Variants in SNX29 observed in about 807,000 individuals in gnomAD.
The protein encoded by SNX29 is sorting nexin 29, also known as sorting nexin-29.
A neutral mutation model predicts 102.1 loss-of-function variants in SNX29; 78 were observed. That is an observed-to-expected ratio of 0.76 (90% CI 0.64 to 0.92). SNX29 has a LOEUF of 0.92. Among genes scored for constraint, SNX29 ranks in the 40% least tolerant of loss-of-function variants. The pLI is 0.00. For missense variants in SNX29, 1,280 were observed against 1,061.7 expected (o/e 1.21, Z -2.86); for synonymous variants, 580 against 414.5 (o/e 1.40, Z -4.85).
chr16:12,010,958 T>C (rs1381993675), intron 3 of SNX29, among the ~76,000 whole-genome samples: 1 of 152,128 alleles, frequency 6.6e-6, no homozygotes, highest in Non-Finnish European at 1.5e-5. Flanking sequence ...ATGTTTGTCA[T>C]GTGATTTTTA....
chr16:12,399,763 G>A (rs1024369120), intron 17 of SNX29, among the ~76,000 whole-genome samples: 2 of 152,150 alleles, frequency 1.3e-5, no homozygotes, highest in African/African-American at 2.4e-5. Flanking sequence ...CTGATAGGGT[G>A]GAGAGGCTGA....
intron 14 of SNX29, among the ~76,000 whole-genome samples, chr16:12,235,357 G>T (rs1450494591): frequency 6.6e-6 from 1 of 152,108 alleles, no homozygotes; most frequent in Non-Finnish European, 1.5e-5. Context: ...TGTGTATGAG[G>T]CTGTCCCCTG....
chr16:12,176,307 T>G (rs1282877187), intron 13 of SNX29, among the ~76,000 whole-genome samples: 1 of 152,222 alleles, frequency 6.6e-6, no homozygotes, highest in Non-Finnish European at 1.5e-5. Flanking sequence ...CAGGTTCAAA[T>G]CTTGGTTCTG....
In SNX29 at chr16:12,407,328, GT is replaced by G. The variant is rs34752475; in HGVS notation, c.2037+3811del. Among the ~76,000 whole-genome samples, 1,398 of 145,688 alleles carry G rather than the reference GT, an allele frequency of 9.6e-3. 7 individuals carry two copies. Among genetic ancestry groups the G allele is most frequent in the East Asian group, 0.018 (89 of 5,044 alleles). ...TGACAAGCTTAAGGTTAATTAGATT[GT>G]TTTTTTTTTTTCTGTATTCATTTTT... On this transcript the variant is annotated intron_variant, in intron 18 of 20. Transcript: ENST00000566228.
chr16:12,181,032 G>A (rs1036878273), intron 13 of SNX29, among the ~76,000 whole-genome samples: 15 of 152,132 alleles, frequency 9.9e-5, no homozygotes, highest in Non-Finnish European at 2.1e-4. Flanking sequence ...GCCCAGTCCT[G>A]GAAGGGAGTC....
intron 13 of SNX29, among the ~76,000 whole-genome samples, chr16:12,160,622 G>A (rs1281375519): frequency 6.6e-6 from 1 of 152,166 alleles, no homozygotes; most frequent in Non-Finnish European, 1.5e-5. Context: ...TGATGAAAAT[G>A]ATCTCTTCAT....
chr16:12,063,312 G>A (rs1287721478), intron 9 of SNX29, among the ~76,000 whole-genome samples: 2 of 149,534 alleles, frequency 1.3e-5, no homozygotes, highest in Non-Finnish European at 3.0e-5. Context: ...TTCTTATGTG[G>A]CCTCCCTCCA....
intron 20 of SNX29, among the ~76,000 whole-genome samples, chr16:12,548,982 G>T (rs148875868): frequency 6.6e-6 from 1 of 152,202 alleles, no homozygotes; most frequent in Admixed American, 6.5e-5. Flanking sequence ...TGAGGCCCCT[G>T]CTCTCCCGTG....
Position 12,538,007 on chromosome 16 carries a change from T to C in SNX29, c.2318+13166T>C, listed in dbSNP as rs1199189724. 7.0e-5 allele frequency among the ~76,000 whole-genome samples: 10 copies of C among 142,544 alleles called. No individual in the cohort carries two copies. The East Asian group carries it at 1.9e-3, about 28-fold the overall frequency. The allele number at this position is 142,544 out of a possible 152,430, so 93.5% of individuals were successfully genotyped here. On this transcript the variant is annotated intron_variant, in intron 20 of 20. Coordinates refer to ENST00000566228, the MANE Select transcript of SNX29 (RefSeq NM_032167.5). ...TTCAAAAAAAAAAAAAAAAAAATTG[T>C]CTGCCATTTATAGACCAAAATCGTC...
chr16:12,277,863 T>C, intron 14 of SNX29, 70 bp from the exon 15 acceptor site: 2 of 1,391,098 alleles, frequency 1.4e-6, no homozygotes, highest in Non-Finnish European at 2.0e-6. Context: ...AAGAATTTTT[T>C]CTTTTTTTAC....
chr16:12,194,587 A>G (rs981229716), intron 13 of SNX29, among the ~76,000 whole-genome samples: 2 of 144,120 alleles, frequency 1.4e-5, no homozygotes, highest in Non-Finnish European at 3.0e-5. Flanking sequence ...TTTAATCATT[A>G]TGTGTGATGT....
At chr16:12,447,165 CAAAAAAAAAA>C (rs59942122) in intron 18 of SNX29, among the ~76,000 whole-genome samples, 5 of 43,910 alleles carry the variant, frequency 1.1e-4, no homozygotes, top group South Asian at 1.4e-3. Flanking sequence ...GACTCTGTCT[CAAAAAAAAAA>C]AAAAAAAAAA....
At chr16:12,171,269 C>G (rs1442172209) in intron 13 of SNX29, among the ~76,000 whole-genome samples, 1 of 152,146 alleles carries the variant, frequency 6.6e-6, no homozygotes, top group Non-Finnish European at 1.5e-5. Context: ...CAAATGGAAC[C>G]CAGGTCTGGG....
At chr16:11,996,267 C>A (rs915965786) in intron 1 of SNX29, among the ~76,000 whole-genome samples, 11 of 152,054 alleles carry the variant, frequency 7.2e-5, no homozygotes, top group Non-Finnish European at 1.5e-4. Flanking sequence ...GCCTGTAGTC[C>A]CAGCTACTCG....
At chr16:12,543,821 G>T (rs971411896) in intron 20 of SNX29, among the ~76,000 whole-genome samples, 1 of 152,240 alleles carries the variant, frequency 6.6e-6, no homozygotes, top group Non-Finnish European at 1.5e-5. Context: ...ATGAGACAGG[G>T]ACACCTTCGT....
At chr16:12,535,676 C>G (rs958549101) in intron 20 of SNX29, among the ~76,000 whole-genome samples, 11 of 152,180 alleles carry the variant, frequency 7.2e-5, no homozygotes, top group Non-Finnish European at 1.0e-4. Context: ...CTGGGGCTTT[C>G]CAGGTCCTGC....
chr16:12,342,428 C>T (rs1021777713), intron 15 of SNX29, among the ~76,000 whole-genome samples: 2 of 152,064 alleles, frequency 1.3e-5, no homozygotes, highest in Non-Finnish European at 2.9e-5. Context: ...ATGGCTGCCC[C>T]GTTCATGGGA....
intron 13 of SNX29, among the ~76,000 whole-genome samples, chr16:12,157,200 C>A (rs372186790): frequency 6.6e-6 from 1 of 152,182 alleles, no homozygotes; most frequent in African/African-American, 2.4e-5. Flanking sequence ...CATCCACCCC[C>A]CATAGGCTGA....
intron 15 of SNX29, among the ~76,000 whole-genome samples, chr16:12,335,667 C>A (rs923399418): frequency 3.3e-5 from 5 of 152,148 alleles, no homozygotes; most frequent in African/African-American, 4.8e-5. Context: ...CGGAGTGAGA[C>A]CGTGTCAGCG....
Sources: allele counts gnomAD v4.1 joint callset (sites outside exome capture counted in the v4.1 genomes callset), GRCh38; gene constraint gnomAD v4.1.1; transcripts MANE v1.5; gene names NCBI Gene and HGNC (gene_info 2026-07-23, HGNC 2026-07-21).